RPS4X: variants seen among roughly 807,000 people sequenced by gnomAD.
RPS4X encodes ribosomal protein S4 X-linked.
For missense variants in RPS4X, 90 were observed against 219.1 expected, an observed-to-expected ratio of 0.41 and a Z score of 3.72; for synonymous variants, 76 against 76.8, an observed-to-expected ratio of 0.99 and a Z score of 0.06.
rs1439545511 is a variant in RPS4X at position 72,275,091 on chromosome X, G to C, written c.322C>G (p.Arg108Gly). ...NFRLIYDTKG[R>G]FAVHRITPEE... ...GGTGTAATACGATGTACAGCAAAGC[G>C]ACCCTTGGTGTCATAGATCAGACGG... Residue 108 changes from arginine (R) to glycine (G), a missense_variant, in exon 4 of 7, where the codon CGC becomes GGC. Physicochemically the swap from Arg to Gly is moderately radical, Grantham distance 125 (BLOSUM62 -2). Coordinates refer to ENST00000316084, the MANE Select transcript of RPS4X (RefSeq NM_001007.5). 1 of 1,208,875 alleles carries C rather than the reference G, an allele frequency of 8.3e-7. No individual in the cohort carries two copies. Among genetic ancestry groups the C allele is most frequent in the East Asian group, 3.0e-5 (1 of 33,813 alleles).
intron 2 of RPS4X, 147 bp from the exon 3 acceptor site, chrX:72,275,871 C>A (rs1181759812): frequency 6.3e-5 from 32 of 511,741 alleles, no homozygotes; most frequent in Non-Finnish European, 9.1e-5. Context: ...AAAAAGCATC[C>A]AAAACTATTT....
rs138509795 is a variant in RPS4X at position 72,274,183 on chromosome X, C to T, written c.361-211G>A. 1,415 of 420,131 alleles carry T rather than the reference C, an allele frequency of 3.4e-3. 11 individuals carry two copies. The highest frequency in any genetic ancestry group is 0.033 in the African/African-American group (1,313 of 39,688). The allele number at this position is 420,131 out of a possible 1,213,427, so 34.6% of individuals were successfully genotyped here. A position where few individuals can be genotyped will look rare whatever the true frequency, so the allele number is the denominator to read the frequency against. On this transcript the variant is annotated intron_variant, in intron 4 of 6. Coordinates refer to ENST00000316084, the MANE Select transcript of RPS4X (RefSeq NM_001007.5). ...CCACTCCTCCAATGTAAATGCCACT[C>T]CAGTTTCCCAGGCTCTTTAAGCCTT... is the stretch of plus-strand genomic sequence containing the variant.
At chrX:72,275,355 G>A (rs1162399418) in intron 3 of RPS4X, among the ~76,000 whole-genome samples, 189 bp downstream of exon 3, 1 of 111,746 alleles carries the variant, frequency 8.9e-6, no homozygotes, top group Non-Finnish European at 1.9e-5. Flanking sequence ...AAAGTGAATC[G>A]AAATTTAGTT....
chrX:72,276,077 TC>T, intron 2 of RPS4X, 79 bp downstream of exon 2: 1 of 778,156 alleles, frequency 1.3e-6, no homozygotes. Flanking sequence ...TAGATATTCC[TC>T]CCCTAGCCTG....
intron 4 of RPS4X, 93 bp downstream of exon 4, chrX:72,274,960 C>G (rs1402434536): frequency 5.7e-6 from 3 of 526,969 alleles, no homozygotes; most frequent in African/African-American, 2.3e-5. Context: ...TAATCAATAC[C>G]CACCTCATTG....
At chrX:72,275,833 C>T in intron 2 of RPS4X, 109 bp from the exon 3 acceptor site, 1 of 649,390 alleles carries the variant, frequency 1.5e-6, no homozygotes, top group Non-Finnish European at 2.3e-6. Flanking sequence ...CATATTACAC[C>T]CAACTTGGAC....
chrX:72,277,163 T>A, intron 1 of RPS4X, 30 bp downstream of exon 1: 1 of 1,209,106 alleles, frequency 8.3e-7, no homozygotes, highest in East Asian at 3.0e-5. Context: ...GGCGGATACG[T>A]CCTAAGAGCT....
At chrX:72,276,874 C>T (rs1434973154) in intron 1 of RPS4X, among the ~76,000 whole-genome samples, 1 of 112,790 alleles carries the variant, frequency 8.9e-6, no homozygotes, top group Non-Finnish European at 1.9e-5. Context: ...CAGCGCCCAC[C>T]AACCTCGGGC....
At position 72,275,535 on chromosome X, in the gene RPS4X, A is replaced by AATT. The variant is rs201977391; in HGVS notation, c.262+8_262+9insAAT. 1.4e-5 allele frequency: 15 copies of AATT among 1,074,657 alleles called. No individual in the cohort carries two copies. Among genetic ancestry groups the AATT allele is most frequent in the Non-Finnish European group, 4.9e-6 (4 of 818,862 alleles). 88.6% of individuals were successfully genotyped at this position (1,074,657 alleles called of 1,213,427 possible). On this transcript the variant is annotated intron_variant, in intron 3 of 6. Coordinates refer to ENST00000316084, the MANE Select transcript of RPS4X (RefSeq NM_001007.5). ...AATATGCGTCTCCAGAGTATTTAAAACTTCTTACCCATGAATCCAGCAGGG... is the reference window on the plus strand; with the variant it reads ...AATATGCGTCTCCAGAGTATTTAAAAATTCTTCTTACCCATGAATCCAGCAGGG...
At chrX:72,273,208 G>C in intron 6 of RPS4X, 24 bp downstream of exon 6, 1 of 1,189,282 alleles carries the variant, frequency 8.4e-7, no homozygotes. Context: ...CCTCAGACTA[G>C]AGAGAAGGAA....
chrX:72,274,719 TCTC>T (rs2043195017), intron 4 of RPS4X: 1 of 232,065 alleles, frequency 4.3e-6, no homozygotes, highest in Admixed American at 6.2e-5. Flanking sequence ...CAGAAATCAT[TCTC>T]CTTGACTCTT....
chrX:72,276,110 G>T, intron 2 of RPS4X, 47 bp downstream of exon 2: 1 of 1,048,354 alleles, frequency 9.5e-7, no homozygotes, highest in Non-Finnish European at 1.3e-6. Flanking sequence ...AGTCCTGGGA[G>T]ACACTTAAAA....
chrX:72,275,525 A>G lies in RPS4X; in HGVS notation c.262+19T>C, dbSNP rs1019600071. The G allele has an allele frequency of 8.4e-6, 9 of 1,076,788 alleles. No individual in the cohort carries two copies. In the African/African-American group the frequency reaches 1.8e-4, roughly 21 times the overall value. 88.7% of individuals were successfully genotyped at this position (1,076,788 alleles called of 1,213,427 possible). On this transcript the variant is annotated intron_variant, in intron 3 of 6. Transcript: ENST00000316084. ...GGCTGCCATCAATATGCGTCTCCAG[A>G]GTATTTAAAACTTCTTACCCATGAA...
Position 72,272,518 on chromosome X carries a change from G to A in RPS4X, c.*153C>T, listed in dbSNP as rs1343033242. The stretch of plus-strand genomic sequence containing the variant: ...AGCCAATAACAGACTGCCTAAGCCT[G>A]CCTGAGAACTTAATCACTGTTCATG... On this transcript the variant is annotated 3_prime_UTR_variant, in exon 7 of 7. Transcript: ENST00000316084. 2 of 412,373 alleles carry A rather than the reference G, an allele frequency of 4.8e-6. No individual in the cohort carries two copies. The highest frequency in any genetic ancestry group is 8.4e-6 in the Non-Finnish European group (2 of 239,144). The allele number at this position is 412,373 out of a possible 1,213,427, so 34.0% of individuals were successfully genotyped here. A position where few individuals can be genotyped will look rare whatever the true frequency, so the allele number is the denominator to read the frequency against.
At position 72,277,228 on chromosome X, in the gene RPS4X, C is replaced by T. The variant is rs779190840; in HGVS notation, c.-33G>A. 2.7e-5 allele frequency: 32 copies of T among 1,206,157 alleles called. No homozygotes were observed. The highest frequency in any genetic ancestry group is 3.2e-5 in the Non-Finnish European group (29 of 892,429). ...TTAGGCAAGGAAAGAGGACCTCCGTCTTCCGGTGCGCGTAGAAATTGGGGC... is the reference window on the plus strand; with the variant it reads ...TTAGGCAAGGAAAGAGGACCTCCGTTTTCCGGTGCGCGTAGAAATTGGGGC... On this transcript the variant is annotated 5_prime_UTR_variant, in exon 1 of 7. Coordinates refer to ENST00000316084, the MANE Select transcript of RPS4X (RefSeq NM_001007.5).
intron 1 of RPS4X, among the ~76,000 whole-genome samples, chrX:72,276,614 T>A (rs1424843320): frequency 8.9e-6 from 1 of 112,181 alleles, no homozygotes; most frequent in Non-Finnish European, 1.9e-5. Flanking sequence ...GGAGTCTACC[T>A]GTGTTTCTAA....
At chrX:72,276,353 A>G (rs2043203732) in intron 1 of RPS4X, 119 bp from the exon 2 acceptor site, 1 of 493,049 alleles carries the variant, frequency 2.0e-6, no homozygotes, top group African/African-American at 2.4e-5. Context: ...ATATTAAAGT[A>G]TAGTGTTCCG....
intron 1 of RPS4X, 34 bp from the exon 2 acceptor site, chrX:72,276,268 G>C (rs765839215): frequency 2.4e-5 from 26 of 1,080,621 alleles, no homozygotes; most frequent in Non-Finnish European, 3.2e-5. Flanking sequence ...TGTTAATCAG[G>C]TTTCAGAACA....
chrX:72,275,246 C>A (rs1270463648), intron 3 of RPS4X, 96 bp from the exon 4 acceptor site: 7 of 542,766 alleles, frequency 1.3e-5, no homozygotes, highest in Non-Finnish European at 2.1e-5. Flanking sequence ...AAAGAACCCC[C>A]ATGTGCCTCC....
Sources: gnomAD v4.1 joint callset for allele counts (sites outside exome capture counted in the v4.1 genomes callset) on GRCh38, gnomAD v4.1.1 for gene constraint, MANE v1.5 for transcripts, NCBI Gene and HGNC (gene_info 2026-07-23, HGNC 2026-07-21) for gene names.